The following STRBP variants were observed in gnomAD, a reference collection of about 807,000 sequenced individuals.
The protein encoded by STRBP is spermatid perinuclear RNA binding protein, also known as spermatid perinuclear RNA-binding protein.
A neutral mutation model predicts 80.1 loss-of-function variants in STRBP; 13 were observed. The observed-to-expected ratio is 0.16, with a 90% CI of 0.11 to 0.26. The LOEUF is 0.26. Ranked by LOEUF, STRBP falls within the 10% of genes least tolerant of loss-of-function variation. STRBP has a pLI of 1.00. For synonymous variants in STRBP, 284 were observed against 291.2 expected, an observed-to-expected ratio of 0.98 and a Z score of 0.25; for missense variants, 485 against 815.2, an observed-to-expected ratio of 0.59 and a Z score of 4.93.
intron 14 of STRBP, among the ~76,000 whole-genome samples, chr9:123,138,187 G>C (rs530732733): frequency 2.6e-5 from 4 of 152,272 alleles, no homozygotes; most frequent in South Asian, 2.1e-4. Context: ...GCTGCTACTA[G>C]TGCAGCCCAC....
In STRBP at chr9:123,139,629, G is replaced by C. The variant is rs1337317982; in HGVS notation, c.1397C>G (p.Ser466Cys). 4 of 1,612,486 alleles carry C rather than the reference G, an allele frequency of 2.5e-6. No homozygotes were observed. The highest frequency in any genetic ancestry group is 3.4e-6 in the Non-Finnish European group (4 of 1,179,684). ...GFDADIECMS[S>C]DEKSDNESKN... ...ACTTTCATTATCTGATTTTTCATCG[G>C]AACTCATACATTCAATATCTGCATC... The change falls in exon 14 of 19, where the codon TCC becomes TGC. Residue 466 changes from serine (S) to cysteine (C), a missense_variant. This residue lies in a region of STRBP where 377 missense variants were observed against 616.1 expected (regional missense o/e 0.61). Transcript: ENST00000348403.
At chr9:123,191,801 G>A (rs2038936304) in intron 2 of STRBP, among the ~76,000 whole-genome samples, 1 of 152,114 alleles carries the variant, frequency 6.6e-6, no homozygotes, top group Non-Finnish European at 1.5e-5. Flanking sequence ...GGGCCCTTCT[G>A]GTCACTTTGA....
Position 123,206,287 on chromosome 9 carries a change from C to A in STRBP, c.-164-21989G>T, listed in dbSNP as rs897239603. 2.0e-5 allele frequency among the ~76,000 whole-genome samples: 3 copies of A among 152,118 alleles called. No homozygotes were observed. The East Asian group carries it at 5.8e-4, about 29-fold the overall frequency. ...TGCAATGTAATCATATTTTAAATAC[C>A]GTAGATAAAGCTAAAAAACAGACAA... On this transcript the variant is annotated intron_variant, in intron 2 of 18. Transcript: ENST00000348403.
intron 14 of STRBP, among the ~76,000 whole-genome samples, chr9:123,138,312 G>C (rs1366715048): frequency 2.0e-5 from 3 of 152,126 alleles, no homozygotes; most frequent in Non-Finnish European, 4.4e-5. Flanking sequence ...ATCTTGACCT[G>C]TGACTGCCAC....
In STRBP at chr9:123,128,255, T is replaced by G; in HGVS notation, c.1901A>C (p.Tyr634Ser). 1 of 1,614,146 alleles carries G rather than the reference T, an allele frequency of 6.2e-7. No homozygotes were observed. The highest frequency in any genetic ancestry group is 8.5e-7 in the Non-Finnish European group (1 of 1,180,014). Residue 634 changes from tyrosine (Y) to serine (S), a missense_variant, in exon 18 of 19, where the codon TAT (tyrosine) becomes TCT (serine). This residue lies in a region of STRBP where 85 missense variants were observed against 120.1 expected (regional missense o/e 0.71). Transcript: ENST00000348403. ...TAAPGYIAPG[Y>S]GTPYGYSTAA... ...TGTGCTGTAACCATATGGTGTTCCA[T>G]AGCCTAGTGCAAAGAAGAAGAAGGC...
intron 3 of STRBP, chr9:123,111,420 AG>A (rs1369338999): frequency 3.2e-6 from 1 of 308,026 alleles, no homozygotes; most frequent in Non-Finnish European, 6.7e-6. Context: ...AACAAGGAAA[AG>A]AAAAAGAGTC....
intron 3 of STRBP, chr9:123,113,289 G>A (rs1316109924): frequency 1.2e-5 from 2 of 167,374 alleles, no homozygotes; most frequent in African/African-American, 4.8e-5. Flanking sequence ...CCACACCCCT[G>A]AGCCTGGCCC....
intron 1 of STRBP, among the ~76,000 whole-genome samples, chr9:123,252,400 A>G (rs2040936753): frequency 6.6e-6 from 1 of 152,212 alleles, no homozygotes; most frequent in African/African-American, 2.4e-5. Flanking sequence ...CTAGTAAGTG[A>G]CAAAGACTTG....
intron 18 of STRBP, among the ~76,000 whole-genome samples, chr9:123,127,856 T>C (rs1418741106): frequency 6.6e-6 from 1 of 152,240 alleles, no homozygotes; most frequent in Admixed American, 6.5e-5. Flanking sequence ...GAAACTTAAG[T>C]GTGGCTTTAA....
In STRBP at chr9:123,211,883, T is replaced by C. The variant is rs533126900; in HGVS notation, c.-165+24947A>G. ...GCAACTGAGTAAGTACTCAGTTTGC[T>C]ACATACTAGAAAGAGAACAAAAACT... On this transcript the variant is annotated intron_variant, in intron 2 of 18. Transcript: ENST00000348403. Among the ~76,000 whole-genome samples the C allele has an allele frequency of 5.3e-5, 8 of 152,292 alleles. No individual in the cohort carries two copies. In the South Asian group the frequency reaches 1.7e-3, roughly 32 times the overall value.
At position 123,123,972 on chromosome 9, in the gene STRBP, C is replaced by T; in HGVS notation, c.*1625G>A. On this transcript the variant is annotated 3_prime_UTR_variant, in exon 19 of 19. Transcript: ENST00000348403. ...AATGATAAGTTACAGCTATTTCCAG[C>T]AAGTGATGAGGTTTTATTAAAGTAT... The T allele has an allele frequency of 2.0e-6, 2 of 985,296 alleles. No individual in the cohort carries two copies. Among genetic ancestry groups the T allele is most frequent in the South Asian group, 4.7e-5 (1 of 21,272 alleles). The allele number at this position is 985,296 out of a possible 1,614,324, so 61.0% of individuals were successfully genotyped here. A position where few individuals can be genotyped will look rare whatever the true frequency, so the allele number is the denominator to read the frequency against.
chr9:123,153,534 T>C (rs549788026), intron 11 of STRBP, among the ~76,000 whole-genome samples: 2 of 152,170 alleles, frequency 1.3e-5, no homozygotes, highest in South Asian at 4.1e-4. Flanking sequence ...GTTTGGGATA[T>C]GGGTGAATGA....
At chr9:123,199,596 C>T (rs1436246260) in intron 2 of STRBP, among the ~76,000 whole-genome samples, 1 of 152,104 alleles carries the variant, frequency 6.6e-6, no homozygotes, top group Admixed American at 6.5e-5. Context: ...GATCTTTCAC[C>T]TCCTTGGTTA....
intron 3 of STRBP, chr9:123,114,990 G>C (rs1032173253): frequency 2.8e-6 from 1 of 358,250 alleles, no homozygotes; most frequent in Non-Finnish European, 5.8e-6. Flanking sequence ...TTGCTCATCA[G>C]CCTTGCCTCC....
intron 13 of STRBP, among the ~76,000 whole-genome samples, chr9:123,140,584 A>C (rs1310491185): frequency 6.6e-6 from 1 of 152,044 alleles, no homozygotes; most frequent in African/African-American, 2.4e-5. Context: ...ACAGAGCAAG[A>C]CTCTGTCTCA....
intron 17 of STRBP, among the ~76,000 whole-genome samples, chr9:123,130,256 C>T (rs1213247680): frequency 6.6e-6 from 1 of 152,140 alleles, no homozygotes; most frequent in African/African-American, 2.4e-5. Flanking sequence ...ATACTGACAA[C>T]AGTCCCTGCT....
At chr9:123,259,808 T>C (rs1187561674) in intron 1 of STRBP, among the ~76,000 whole-genome samples, 1 of 152,132 alleles carries the variant, frequency 6.6e-6, no homozygotes, top group Admixed American at 6.5e-5. Flanking sequence ...AAAGAGACTA[T>C]GAAGCCAAGT....
chr9:123,220,535 T>A (rs2040034518), intron 2 of STRBP, among the ~76,000 whole-genome samples: 1 of 152,218 alleles, frequency 6.6e-6, no homozygotes, highest in South Asian at 2.1e-4. Flanking sequence ...ACTAAACTTG[T>A]GGGCTTAAAT....
intron 11 of STRBP, among the ~76,000 whole-genome samples, chr9:123,154,208 C>T (rs1410576228): frequency 6.6e-6 from 1 of 152,110 alleles, no homozygotes; most frequent in Non-Finnish European, 1.5e-5. Context: ...AAACGTCCTT[C>T]AAAAGTAGAA....
Sources: allele counts gnomAD v4.1 joint callset (sites outside exome capture counted in the v4.1 genomes callset), GRCh38; gene constraint gnomAD v4.1.1; regional missense constraint gnomAD v4.1.1; transcripts MANE v1.5; gene names NCBI Gene and HGNC (gene_info 2026-07-23, HGNC 2026-07-21).